The following NAV1 variants were observed in gnomAD, a reference collection of about 807,000 sequenced individuals.
NAV1 encodes the protein neuron navigator 1, also known as pore membrane and/or filament interacting like protein 3.
A neutral mutation model predicts 175.2 loss-of-function variants in NAV1; 18 were observed. The observed-to-expected ratio is 0.10, with a 90% CI of 0.07 to 0.15. The LOEUF is 0.15. NAV1 is among the 10% of genes least tolerant of loss of function. The pLI, the probability that NAV1 is intolerant of heterozygous loss-of-function variation, is 1.00. For synonymous variants in NAV1, 897 were observed against 978.7 expected (o/e 0.92, Z 1.56); for missense variants, 1,731 against 2,436.6 (o/e 0.71, Z 6.10).
intron 2 of NAV1, among the ~76,000 whole-genome samples, chr1:201,597,973 G>T (rs1216863153): frequency 6.6e-6 from 1 of 152,234 alleles, no homozygotes; most frequent in African/African-American, 2.4e-5. Flanking sequence ...GCTGCAGGAT[G>T]CCTGGGCGTC....
At chr1:201,761,404 C>G (rs981457648) in intron 3 of NAV1, among the ~76,000 whole-genome samples, 19 of 152,278 alleles carry the variant, frequency 1.2e-4, no homozygotes, top group Non-Finnish European at 1.0e-4. Context: ...GCGTTTCACA[C>G]CAGCAGTCTG....
intron 1 of NAV1, among the ~76,000 whole-genome samples, chr1:201,582,664 A>G (rs1666901384): frequency 6.6e-6 from 1 of 152,224 alleles, no homozygotes; most frequent in African/African-American, 2.4e-5. Context: ...GGGGTGAGGA[A>G]ATCCAACAAG....
chr1:201,612,301 C>T (rs1667870559), intron 2 of NAV1, among the ~76,000 whole-genome samples: 1 of 151,914 alleles, frequency 6.6e-6, no homozygotes, highest in Non-Finnish European at 1.5e-5. Flanking sequence ...AATTAAAAAA[C>T]AAAATTATCA....
At chr1:201,811,553 A>G (rs1327902085) in intron 24 of NAV1, 50 bp from the exon 29 acceptor site, 1 of 1,611,682 alleles carries the variant, frequency 6.2e-7, no homozygotes, top group South Asian at 1.1e-5. Flanking sequence ...TCCAAGGCCG[A>G]TCCAGCTGCT....
chr1:201,794,057 T>C (rs1280526767), intron 14 of NAV1, 182 bp downstream of exon 18: 5 of 704,492 alleles, frequency 7.1e-6, no homozygotes, highest in Non-Finnish European at 1.3e-5. Context: ...CCCAATTCCT[T>C]GCCCTTCTCT....
At chr1:201,638,823 T>C (rs186714485) in intron 2 of NAV1, among the ~76,000 whole-genome samples, 2 of 152,284 alleles carry the variant, frequency 1.3e-5, no homozygotes, top group South Asian at 2.1e-4. Context: ...TCCCTGGCAA[T>C]AGGAGGTGCT....
intron 2 of NAV1, among the ~76,000 whole-genome samples, chr1:201,630,922 G>A (rs190357582): frequency 2.6e-4 from 40 of 152,278 alleles, no homozygotes; most frequent in Middle Eastern, 3.4e-3. Flanking sequence ...GCTCGTTCAC[G>A]ATTATTATCC....
At chr1:201,619,227 C>T (rs59181562), upstream of NAV1, among the ~76,000 whole-genome samples, 1,393 of 152,344 alleles carry the variant, frequency 9.1e-3, 19 homozygotes, top group African/African-American at 0.032. Flanking sequence ...GCGAGGGAGA[C>T]GCAGCCTCCT....
Position 201,708,841 on chromosome 1 carries a change from C to G in NAV1, c.758-3976C>G, listed in dbSNP as rs1671778211. 3.3e-5 allele frequency among the ~76,000 whole-genome samples: 5 copies of G among 152,080 alleles called. No homozygotes were observed. In the South Asian group the frequency reaches 1.0e-3, roughly 32 times the overall value. On this transcript the variant is annotated intron_variant, in intron 1 of 29. Transcript: ENST00000367296. The stretch of plus-strand genomic sequence containing the variant: ...CATGGAGGCAGCCTCCAGGGCATCT[C>G]AACTTAGCCAATAAAACAAGCCATT...
chr1:201,637,533 G>C (rs1323166997), intron 2 of NAV1, among the ~76,000 whole-genome samples: 2 of 152,248 alleles, frequency 1.3e-5, no homozygotes, highest in South Asian at 4.2e-4. Context: ...AGGTTTTTGG[G>C]TTTGTGTGGC....
At position 201,813,310 on chromosome 1, in the gene NAV1, C is replaced by T; in HGVS notation, c.5340+52C>T. The T allele has an allele frequency of 1.7e-6, 2 of 1,159,416 alleles. No individual in the cohort carries two copies. The highest frequency in any genetic ancestry group is 2.6e-6 in the Non-Finnish European group (2 of 782,758). 71.8% of individuals were successfully genotyped at this position (1,159,416 alleles called of 1,614,324 possible). ...CCTAAGATCAGGCTGTCCTACCTAACAAAGTAGGAATGTTTCTTTAATGTT... is the reference window on the plus strand; with the variant it reads ...CCTAAGATCAGGCTGTCCTACCTAATAAAGTAGGAATGTTTCTTTAATGTT... On this transcript the variant is annotated intron_variant, in intron 28 of 29. Coordinates refer to ENST00000367296, the Ensembl canonical transcript of NAV1. This position sits in a 1 kb window ranked among gnomAD's most constrained non-coding sequence, Gnocchi z 4.2.
At chr1:201,608,592 T>C (rs929396986) in intron 2 of NAV1, among the ~76,000 whole-genome samples, 2 of 152,238 alleles carry the variant, frequency 1.3e-5, no homozygotes, top group Non-Finnish European at 2.9e-5. Context: ...GAGGCACTTT[T>C]CCAGCTTTGC....
At chr1:201,667,936 C>T (rs775198947) in intron 1 of NAV1, among the ~76,000 whole-genome samples, 4 of 152,148 alleles carry the variant, frequency 2.6e-5, no homozygotes, top group South Asian at 2.1e-4. Flanking sequence ...GCCCTCACCA[C>T]GCATCTGATG....
chr1:201,668,050 A>G (rs960857214), intron 1 of NAV1, among the ~76,000 whole-genome samples: 4 of 152,196 alleles, frequency 2.6e-5, no homozygotes, highest in Admixed American at 1.3e-4. Flanking sequence ...CATAGCGCCC[A>G]TGTCTTCCTC....
intron 3 of NAV1, among the ~76,000 whole-genome samples, chr1:201,747,621 G>A (rs921568154): frequency 1.3e-5 from 2 of 152,138 alleles, no homozygotes; most frequent in African/African-American, 4.8e-5. Context: ...GAAAAGCAGT[G>A]CTTGAGTGGT....
intron 1 of NAV1, among the ~76,000 whole-genome samples, chr1:201,581,899 A>G (rs1251909729): frequency 6.6e-6 from 1 of 152,136 alleles, no homozygotes; most frequent in African/African-American, 2.4e-5. Flanking sequence ...CAGAAACACC[A>G]TCCTGGCTAA....
In NAV1 at chr1:201,788,311, C is replaced by G. The variant is rs1415592950; in HGVS notation, c.2996-157C>G. Among the ~76,000 whole-genome samples, 2 of 152,144 alleles carry G rather than the reference C, an allele frequency of 1.3e-5. No homozygotes were observed. The highest frequency in any genetic ancestry group is 2.9e-5 in the Non-Finnish European group (2 of 68,010). On this transcript the variant is annotated intron_variant, in intron 9 of 29. Transcript: ENST00000367296. This position sits in a 1 kb window ranked among gnomAD's most constrained non-coding sequence, Gnocchi z 5.7. ...CCTAACCACCAGCTGCTTGCACACT[C>G]CCACCACCGCACCTGCCCCTTCCTC... is the stretch of plus-strand genomic sequence containing the variant.
chr1:201,704,104 G>A (rs1209394280), intron 1 of NAV1, among the ~76,000 whole-genome samples: 3 of 152,190 alleles, frequency 2.0e-5, no homozygotes. Flanking sequence ...AATCCCAGAA[G>A]CCAGGCCCTG....
intron 3 of NAV1, chr1:201,723,254 C>T (rs1195888729): frequency 6.6e-6 from 1 of 152,144 alleles, no homozygotes; most frequent in Non-Finnish European, 1.5e-5. Context: ...CTATTCAAGT[C>T]CTTTGCCCAT....
Sources: allele counts gnomAD v4.1 joint callset (sites outside exome capture counted in the v4.1 genomes callset), GRCh38; gene constraint gnomAD v4.1.1; non-coding constraint Gnocchi (gnomAD v3.1); transcripts MANE v1.5; gene names NCBI Gene and HGNC (gene_info 2026-07-23, HGNC 2026-07-21).